ACSF3: variants seen among roughly 807,000 people sequenced by gnomAD.
ACSF3 encodes the protein acyl-CoA synthetase family member 3.
ACSF3 carries 78 observed loss-of-function variants against 53.2 expected under a neutral mutation model. The ratio of observed to expected loss-of-function variants is 1.47; its 90% CI spans 1.22 to 1.77. The LOEUF is 1.77. ACSF3 is among the 40% of genes most tolerant of loss of function. The probability of loss-of-function intolerance (pLI) is 0.00; values close to 1 mark genes in which losing one functional copy is unlikely to be tolerated. For synonymous variants in ACSF3, 414 were observed against 333.1 expected (o/e 1.24, Z -2.65); for missense variants, 937 against 771.1 (o/e 1.22, Z -2.55).
At chr16:89,094,297 C>A (rs992215444) in intron 1 of ACSF3, among the ~76,000 whole-genome samples, 5 of 152,118 alleles carry the variant, frequency 3.3e-5, no homozygotes. Flanking sequence ...CAGAACGAAT[C>A]GTCTTTGGTT....
chr16:89,133,549 G>A (rs565763639), intron 8 of ACSF3, among the ~76,000 whole-genome samples: 29 of 152,282 alleles, frequency 1.9e-4, no homozygotes, highest in Admixed American at 6.5e-4. Context: ...CAGCCGCTCC[G>A]GCACGCACGC....
chr16:89,146,023 C>G lies in ACSF3; in HGVS notation c.1587C>G (p.Ser529=), dbSNP rs778486871. The change falls in exon 10 of 11, where the codon TCC becomes TCG. Residue 529 remains serine, a synonymous_variant. Transcript: ENST00000614302. The part of the protein sequence containing the change: ...VVTLREGHSL[S]HRELKEWARN... Reference sequence around the variant, plus strand: ...CCCTCCGAGAAGGACACTCACTGTCCCACAGGGAGCTCAAAGAGTGGGCCA... The same window carrying G: ...CCCTCCGAGAAGGACACTCACTGTCGCACAGGGAGCTCAAAGAGTGGGCCA... 1.2e-6 allele frequency: 2 copies of G among 1,613,364 alleles called. No homozygotes were observed. The highest frequency in any genetic ancestry group is 1.7e-6 in the Non-Finnish European group (2 of 1,179,666).
chr16:89,121,210 G>C (rs1344765056), intron 7 of ACSF3, among the ~76,000 whole-genome samples: 1 of 152,274 alleles, frequency 6.6e-6, no homozygotes, highest in African/African-American at 2.4e-5. Context: ...TGTCCACGGG[G>C]ACAGGCTGAC....
Position 89,102,576 on chromosome 16 carries a change from C to CT in ACSF3, c.667-27dup, listed in dbSNP as rs759831732. 10 of 1,612,466 alleles carry CT rather than the reference C, an allele frequency of 6.2e-6. No homozygotes were observed. In the African/African-American group the frequency reaches 1.3e-4, roughly 22 times the overall value. ...GTTGCGGGCCACAGTCTTGCTCTTG[C>CT]TCTCAGCTGTGCTCTCGTCCCCTGC... On this transcript the variant is annotated intron_variant, in intron 3 of 10. Coordinates refer to ENST00000614302, the MANE Select transcript of ACSF3 (RefSeq NM_001243279.3).
intron 1 of ACSF3, among the ~76,000 whole-genome samples, chr16:89,097,554 C>A (rs917317794): frequency 2.6e-5 from 4 of 152,234 alleles, no homozygotes; most frequent in African/African-American, 9.6e-5. Context: ...TGCCCTCACA[C>A]CTGTAAAGCA....
chr16:89,095,751 G>A (rs1019125447), intron 1 of ACSF3, among the ~76,000 whole-genome samples: 8 of 152,236 alleles, frequency 5.3e-5, no homozygotes, highest in South Asian at 2.1e-4. Context: ...AGCACGGCGC[G>A]GCCGTTTGTC....
At chr16:89,113,056 C>T (rs570878141) in intron 5 of ACSF3, 4 of 152,474 alleles carry the variant, frequency 2.6e-5, no homozygotes, top group South Asian at 2.1e-4. Flanking sequence ...TCTTTTCCCT[C>T]GTGGCTGTTG....
chr16:89,122,224 G>T (rs1906830478), intron 7 of ACSF3: 1 of 158,354 alleles, frequency 6.3e-6, no homozygotes, highest in Admixed American at 6.5e-5. Context: ...GCCGCACCTT[G>T]TGTGGAGGGC....
chr16:89,115,395 G>A (rs1196426899), intron 6 of ACSF3: 3 of 152,320 alleles, frequency 2.0e-5, no homozygotes, highest in African/African-American at 7.2e-5. Context: ...TTTCTGGGAG[G>A]CCACGTGGCT....
At chr16:89,144,446 C>T (rs1281335505) in intron 8 of ACSF3, among the ~76,000 whole-genome samples, 1 of 152,236 alleles carries the variant, frequency 6.6e-6, no homozygotes, top group African/African-American at 2.4e-5. Flanking sequence ...CCCTGTCCTC[C>T]TCAGCCACCA....
At position 89,125,004 on chromosome 16, in the gene ACSF3, C is replaced by T. The variant is rs571387288; in HGVS notation, c.1239+4091C>T. 3.3e-5 allele frequency among the ~76,000 whole-genome samples: 5 copies of T among 152,252 alleles called. No individual in the cohort carries two copies. The South Asian group carries it at 1.0e-3, about 32-fold the overall frequency. ...AACAATTGTAGTGTGATTTCACCAG[C>T]TTTATTCTTTCTCAGAGTTGTTTTG... is the stretch of plus-strand genomic sequence containing the variant. On this transcript the variant is annotated intron_variant, in intron 7 of 10. Transcript: ENST00000614302.
In ACSF3 at chr16:89,101,027, T is replaced by C; in HGVS notation, c.346T>C (p.Trp116Arg). 6.2e-7 allele frequency: 1 copy of C among 1,613,906 alleles called. No individual in the cohort carries two copies. The change falls in exon 3 of 11, where the codon TGG becomes CGG. Residue 116 changes from tryptophan to arginine, a missense_variant. Coordinates refer to ENST00000614302, the MANE Select transcript of ACSF3 (RefSeq NM_001243279.3). ...CTACGTCGTGGCCCAGTGGGCGTCATGGATGAGTGGCGGTGTGGCAGTCCC... is the reference window on the plus strand; with the variant it reads ...CTACGTCGTGGCCCAGTGGGCGTCACGGATGAGTGGCGGTGTGGCAGTCCC... ...ASYVVAQWAS[W>R]MSGGVAVPLY...
chr16:89,099,430 G>A (rs1350842820), intron 2 of ACSF3, among the ~76,000 whole-genome samples: 1 of 152,228 alleles, frequency 6.6e-6, no homozygotes, highest in Non-Finnish European at 1.5e-5. Flanking sequence ...GGGGGGAAAG[G>A]AGAGAATTAT....
intron 4 of ACSF3, among the ~76,000 whole-genome samples, 176 bp downstream of exon 4, chr16:89,102,935 C>T (rs1975536585): frequency 6.6e-6 from 1 of 152,242 alleles, no homozygotes; most frequent in African/African-American, 2.4e-5. Context: ...CCCCTATCCA[C>T]AGGGGACGTG....
intron 4 of ACSF3, among the ~76,000 whole-genome samples, chr16:89,108,797 C>G (rs1190930289): frequency 6.6e-6 from 1 of 152,198 alleles, no homozygotes. Flanking sequence ...GGCATTTGGA[C>G]TGTTTCAGTT....
intron 8 of ACSF3, among the ~76,000 whole-genome samples, chr16:89,143,090 A>G (rs1912181668): frequency 6.6e-6 from 1 of 152,050 alleles, no homozygotes; most frequent in Non-Finnish European, 1.5e-5. Flanking sequence ...AAAACTTATA[A>G]AAAAGATTCG....
rs373246881 is a variant in ACSF3, at chr16:89,102,692, A to T, written c.755A>T (p.Asn252Ile). Residue 252 changes from asparagine to isoleucine, a missense_variant, in exon 4 of 11, where the codon AAC becomes ATC. Transcript: ENST00000614302. The stretch of plus-strand genomic sequence containing the variant: ...CTGCACCACGTCCATGGTGTGGTCA[A>T]CGCGCTGCTCTGTCCTCTCTGGGTG... The part of the protein sequence containing the change: ...LPLHHVHGVV[N>I]ALLCPLWVGA... The T allele has an allele frequency of 6.2e-7, 1 of 1,612,818 alleles. No individual in the cohort carries two copies. Among genetic ancestry groups the T allele is most frequent in the Admixed American group, 1.7e-5 (1 of 59,890 alleles).
chr16:89,120,557 T>C (rs1906378708), intron 6 of ACSF3, among the ~76,000 whole-genome samples: 1 of 152,246 alleles, frequency 6.6e-6, no homozygotes, highest in Non-Finnish European at 1.5e-5. Context: ...CTGTGCCACA[T>C]GGCCATCACT....
At chr16:89,104,573 A>T (rs1975744758) in intron 4 of ACSF3, among the ~76,000 whole-genome samples, 1 of 152,162 alleles carries the variant, frequency 6.6e-6, no homozygotes, top group Non-Finnish European at 1.5e-5. Context: ...TTCGCCAGGA[A>T]GGGGTCCCTG....
Sources: gnomAD v4.1 joint callset for allele counts (sites outside exome capture counted in the v4.1 genomes callset) on GRCh38, gnomAD v4.1.1 for gene constraint, MANE v1.5 for transcripts, NCBI Gene and HGNC (gene_info 2026-07-23, HGNC 2026-07-21) for gene names.